FRYL: variants seen among roughly 807,000 people sequenced by gnomAD.
The protein encoded by FRYL is protein furry homolog-like.
A neutral mutation model predicts 351.2 loss-of-function variants in FRYL; 150 were observed. The observed-to-expected ratio is 0.43, with a 90% CI of 0.37 to 0.49. The LOEUF (loss-of-function observed/expected upper bound fraction) is 0.49. Among genes scored for constraint, FRYL ranks in the 20% least tolerant of loss-of-function variants. FRYL has a pLI of 0.00. For missense variants in FRYL, 3,036 were observed against 3,619.3 expected (o/e 0.84, Z 4.13); for synonymous variants, 1,153 against 1,257.1 (o/e 0.92, Z 1.75).
At chr4:48,526,632 T>C (rs1018625678) in intron 53 of FRYL, among the ~76,000 whole-genome samples, 7 of 152,184 alleles carry the variant, frequency 4.6e-5, no homozygotes, top group African/African-American at 1.7e-4. Context: ...GAGGTCAAGC[T>C]GACTGGCAGA....
chr4:48,761,050 T>TGTGTGTGTGTGTG (rs1553884575), intron 1 of FRYL, among the ~76,000 whole-genome samples: 1 of 145,404 alleles, frequency 6.9e-6, no homozygotes. Flanking sequence ...TGTGTGTGTG[T>TGTGTGTGTGTGTG]TGAAGAGGAA....
At chr4:48,779,434 C>G (rs1453907021) in intron 1 of FRYL, among the ~76,000 whole-genome samples, 1 of 152,140 alleles carries the variant, frequency 6.6e-6, no homozygotes, top group African/African-American at 2.4e-5. Flanking sequence ...CCGCACCCCT[C>G]CCCAGGACCG....
In FRYL at chr4:48,675,486, C is replaced by A. The variant is rs568237130; in HGVS notation, c.-81+9187G>T. Among the ~76,000 whole-genome samples the A allele has an allele frequency of 3.3e-5, 5 of 152,348 alleles. No individual in the cohort carries two copies. In the South Asian group the frequency reaches 8.3e-4, roughly 25 times the overall value. Reference sequence around the variant, plus strand: ...GGCAATGAGGGACTTAGCACCCGGGCCAGCGGCTGCGGAGGGTGTACTGGG... The same window carrying A: ...GGCAATGAGGGACTTAGCACCCGGGACAGCGGCTGCGGAGGGTGTACTGGG... On this transcript the variant is annotated intron_variant, in intron 3 of 63. Coordinates refer to ENST00000358350, the MANE Select transcript of FRYL (RefSeq NM_015030.2).
chr4:48,669,223 A>C (rs764719775), intron 3 of FRYL, among the ~76,000 whole-genome samples: 10 of 152,084 alleles, frequency 6.6e-5, no homozygotes, highest in Non-Finnish European at 1.5e-4. Flanking sequence ...TTAAGTGAGG[A>C]ATAAGCAGCT....
intron 4 of FRYL, among the ~76,000 whole-genome samples, chr4:48,624,555 A>T (rs1201947576): frequency 6.6e-6 from 1 of 152,238 alleles, no homozygotes; most frequent in Non-Finnish European, 1.5e-5. Flanking sequence ...AGTAGAAAAC[A>T]GGAGACTGAA....
intron 3 of FRYL, among the ~76,000 whole-genome samples, chr4:48,677,984 G>A (rs1763996312): frequency 6.6e-6 from 1 of 152,176 alleles, no homozygotes; most frequent in Non-Finnish European, 1.5e-5. Context: ...CCAGTAAATA[G>A]GAAGTAAGAT....
In FRYL at chr4:48,540,447, A is replaced by G; in HGVS notation, c.6201T>C (p.Phe2067=). 1 of 1,613,838 alleles carries G rather than the reference A, an allele frequency of 6.2e-7. No homozygotes were observed. Among genetic ancestry groups the G allele is most frequent in the Non-Finnish European group, 8.5e-7 (1 of 1,179,842 alleles). The change falls in exon 46 of 64, where the codon TTT becomes TTC. Residue 2067 remains phenylalanine (F), a synonymous_variant. Coordinates refer to ENST00000358350, the MANE Select transcript of FRYL (RefSeq NM_015030.2). ...TCATTTCTTGTGTAGATGCTGAGGT[A>G]AAACCCTTAAGGAAGAGCTGCTGAA... is the stretch of plus-strand genomic sequence containing the variant. ...PGLQQLFLKG[F]TSASTQEMTV... is the part of the protein sequence containing the mutation.
At chr4:48,534,747 T>C (rs1262918476) in intron 48 of FRYL, 62 bp from the exon 49 acceptor site, 11 of 1,024,368 alleles carry the variant, frequency 1.1e-5, no homozygotes, top group African/African-American at 3.3e-5. Flanking sequence ...AAAAACTCAA[T>C]ATTTACATTT....
chr4:48,649,725 A>C (rs1247630600), intron 3 of FRYL, among the ~76,000 whole-genome samples: 46 of 152,342 alleles, frequency 3.0e-4, no homozygotes, highest in Non-Finnish European at 7.3e-5. Context: ...ATGTCACTTC[A>C]TTGTTGTTAC....
chr4:48,640,089 G>T (rs1326288530), intron 3 of FRYL, among the ~76,000 whole-genome samples: 1 of 152,098 alleles, frequency 6.6e-6, no homozygotes, highest in East Asian at 1.9e-4. Context: ...CACTTTAAAA[G>T]ATATTTTGGT....
Position 48,499,692 on chromosome 4 carries a change from C to G in FRYL, c.8784-12G>C, listed in dbSNP as rs776831767. 4.3e-6 allele frequency: 7 copies of G among 1,610,458 alleles called. No homozygotes were observed. The highest frequency in any genetic ancestry group is 2.2e-5 in the South Asian group (2 of 90,682). On this transcript the variant is annotated splice_polypyrimidine_tract_variant and intron_variant, in intron 63 of 63. Coordinates refer to ENST00000358350, the MANE Select transcript of FRYL (RefSeq NM_015030.2). ...TGGGCCAGAGAGATCTGAAAATACA[C>G]AATAGTTTTTCAGTTCTGAGACTTA...
chr4:48,702,952 G>A (rs1192731758), intron 2 of FRYL, among the ~76,000 whole-genome samples: 1 of 152,054 alleles, frequency 6.6e-6, no homozygotes, highest in African/African-American at 2.4e-5. Flanking sequence ...GAATAGTGGG[G>A]GTTGGTGGAG....
intron 47 of FRYL, among the ~76,000 whole-genome samples, chr4:48,538,130 G>A (rs1245204678): frequency 6.6e-6 from 1 of 152,022 alleles, no homozygotes; most frequent in Non-Finnish European, 1.5e-5. Flanking sequence ...ATTTTCAAAA[G>A]GCAATATTTC....
At chr4:48,565,124 C>A in intron 29 of FRYL, 81 bp from the exon 30 acceptor site, 1 of 684,210 alleles carries the variant, frequency 1.5e-6, no homozygotes, top group South Asian at 2.3e-5. Flanking sequence ...AGGCAAAATA[C>A]TTATCTAGTC....
At chr4:48,577,579 T>C (rs553318588) in intron 23 of FRYL, among the ~76,000 whole-genome samples, 8 of 152,062 alleles carry the variant, frequency 5.3e-5, no homozygotes, top group Non-Finnish European at 1.2e-4. Flanking sequence ...CTAAGTTTGA[T>C]GAAGAAAAAT....
At chr4:48,681,836 A>G (rs1375419309) in intron 3 of FRYL, among the ~76,000 whole-genome samples, 1 of 152,210 alleles carries the variant, frequency 6.6e-6, no homozygotes, top group East Asian at 1.9e-4. Context: ...AATTCAATAA[A>G]CACAGTCATC....
chr4:48,589,955 T>TA, intron 17 of FRYL, 78 bp from the exon 18 acceptor site: 1 of 1,269,930 alleles, frequency 7.9e-7, no homozygotes, highest in South Asian at 1.4e-5. Context: ...AAAAGCCTAT[T>TA]AATCTTTAAA....
intron 4 of FRYL, among the ~76,000 whole-genome samples, chr4:48,625,727 T>C (rs754152071): frequency 8.5e-5 from 13 of 152,096 alleles, no homozygotes; most frequent in Non-Finnish European, 1.8e-4. Context: ...CCCCCATGGA[T>C]ACCAAAGGAC....
chr4:48,501,508 G>GA (rs1352156779), intron 62 of FRYL, 115 bp downstream of exon 62: 9 of 677,102 alleles, frequency 1.3e-5, no homozygotes, highest in African/African-American at 1.9e-5. Context: ...TTAACTAAAA[G>GA]AAAAAAGACT....
Sources: allele counts gnomAD v4.1 joint callset (sites outside exome capture counted in the v4.1 genomes callset), GRCh38; gene constraint gnomAD v4.1.1; transcripts MANE v1.5; gene names NCBI Gene and HGNC (gene_info 2026-07-23, HGNC 2026-07-21).